ST6GALNAC3: variants seen among roughly 807,000 people sequenced by gnomAD.
ST6GALNAC3 encodes the protein ST6 N-acetylgalactosaminide alpha-2,6-sialyltransferase 3, also known as alpha-N-acetylgalactosaminide alpha-2,6-sialyltransferase 3.
Under a neutral mutation model 32.7 loss-of-function variants are expected in ST6GALNAC3, and 25 were observed. That is an observed-to-expected ratio of 0.76 (90% confidence interval 0.56 to 1.07). The LOEUF is 1.07. Ranked by LOEUF, ST6GALNAC3 falls within the 50% of genes least tolerant of loss-of-function variation. ST6GALNAC3 has a pLI of 0.00. For synonymous variants in ST6GALNAC3, 129 were observed against 133.1 expected, an observed-to-expected ratio of 0.97 and a Z score of 0.21; for missense variants, 355 against 382.4, an observed-to-expected ratio of 0.93 and a Z score of 0.60.
chr1:76,398,861 A>G (rs1653189424), intron 2 of ST6GALNAC3, among the ~76,000 whole-genome samples: 1 of 152,212 alleles, frequency 6.6e-6, no homozygotes, highest in Non-Finnish European at 1.5e-5. Context: ...TTCCAGTTGC[A>G]GTGCATTTTT....
chr1:76,554,465 T>C (rs1315299120), intron 3 of ST6GALNAC3, among the ~76,000 whole-genome samples: 1 of 152,134 alleles, frequency 6.6e-6, no homozygotes, highest in African/African-American at 2.4e-5. Flanking sequence ...GGACACTTCA[T>C]GTGGGGCATG....
intron 2 of ST6GALNAC3, among the ~76,000 whole-genome samples, chr1:76,379,717 G>A (rs1410891260): frequency 6.6e-6 from 1 of 152,142 alleles, no homozygotes; most frequent in Non-Finnish European, 1.5e-5. Context: ...CCTGAGAGTG[G>A]CCTCCTGTGG....
intron 3 of ST6GALNAC3, among the ~76,000 whole-genome samples, chr1:76,612,175 A>G (rs780786830): frequency 3.3e-5 from 5 of 152,212 alleles, no homozygotes; most frequent in East Asian, 1.9e-4. Flanking sequence ...TTGAAGGGAC[A>G]TCTTGGGAGG....
intron 3 of ST6GALNAC3, among the ~76,000 whole-genome samples, chr1:76,467,475 T>C (rs75104548): frequency 2.6e-5 from 4 of 152,022 alleles, no homozygotes; most frequent in African/African-American, 9.6e-5. Flanking sequence ...CAACTGGGGA[T>C]TAGTTAAATA....
chr1:76,198,961 A>G (rs1462744170), intron 1 of ST6GALNAC3, among the ~76,000 whole-genome samples: 2 of 152,176 alleles, frequency 1.3e-5, no homozygotes, highest in Non-Finnish European at 2.9e-5. Flanking sequence ...CAGGTAGATC[A>G]TGGCAAGAGG....
chr1:76,308,223 G>A (rs1661183157), intron 1 of ST6GALNAC3, among the ~76,000 whole-genome samples: 1 of 152,144 alleles, frequency 6.6e-6, no homozygotes, highest in East Asian at 1.9e-4. Context: ...GGTCTGACCA[G>A]TGCTCAACAC....
Position 76,278,295 on chromosome 1 carries a change from C to T in ST6GALNAC3, c.19-35510C>T, listed in dbSNP as rs944684512. Among the ~76,000 whole-genome samples, 6 of 138,108 alleles carry T rather than the reference C, an allele frequency of 4.3e-5. No individual in the cohort carries two copies. The South Asian group carries it at 6.7e-4, about 15-fold the overall frequency. 90.6% of individuals were successfully genotyped at this position (138,108 alleles called of 152,430 possible). A position where few individuals can be genotyped will look rare whatever the true frequency, so the allele number is the denominator to read the frequency against. On this transcript the variant is annotated intron_variant, in intron 1 of 4. Transcript: ENST00000328299. Reference sequence around the variant, plus strand: ...GGAGTGCAGTGGCGCGATCTCGGCTCACTGCAAGCTCCGCCTCCCGGGTTC... The same window carrying T: ...GGAGTGCAGTGGCGCGATCTCGGCTTACTGCAAGCTCCGCCTCCCGGGTTC...
At chr1:76,620,359 G>A (rs1428536107) in intron 3 of ST6GALNAC3, among the ~76,000 whole-genome samples, 3 of 152,054 alleles carry the variant, frequency 2.0e-5, no homozygotes, top group Non-Finnish European at 4.4e-5. Flanking sequence ...AAAAGCAGTG[G>A]GGAGTTTAGG....
At chr1:76,243,531 C>T (rs951950972) in intron 1 of ST6GALNAC3, among the ~76,000 whole-genome samples, 3 of 152,234 alleles carry the variant, frequency 2.0e-5, no homozygotes, top group Non-Finnish European at 2.9e-5. Flanking sequence ...TTTGCCCATG[C>T]CTATGTCCTG....
Position 76,633,191 on chromosome 1 carries a change from A to G in ST6GALNAC3, c.*4385A>G, listed in dbSNP as rs974170328. 2 of 152,156 alleles carry G rather than the reference A, an allele frequency of 1.3e-5. No individual in the cohort carries two copies. The highest frequency in any genetic ancestry group is 4.8e-5 in the African/African-American group (2 of 41,440). The allele number at this position is 152,156 out of a possible 1,614,324, so 9.4% of individuals were successfully genotyped here. ...GTACTGAGACTCAAATTCTTGTCTC[A>G]TGTTTTCTTCTCTAGTGCTTTTTCC... On this transcript the variant is annotated 3_prime_UTR_variant, in exon 5 of 5. Transcript: ENST00000328299.
At chr1:76,564,575 ATTTTTTTTTT>A (rs200008546) in intron 3 of ST6GALNAC3, among the ~76,000 whole-genome samples, 2 of 126,264 alleles carry the variant, frequency 1.6e-5, no homozygotes, top group South Asian at 2.5e-4. Context: ...TGAATGCAGC[ATTTTTTTTTT>A]TTTTTTTTTT....
intron 3 of ST6GALNAC3, among the ~76,000 whole-genome samples, chr1:76,596,342 A>T (rs1275433573): frequency 1.3e-5 from 2 of 152,140 alleles, no homozygotes; most frequent in African/African-American, 4.8e-5. Context: ...CGAGGCCGAG[A>T]TCATGTCTTG....
chr1:76,137,021 C>T (rs962012390), intron 1 of ST6GALNAC3, among the ~76,000 whole-genome samples: 6 of 152,168 alleles, frequency 3.9e-5, no homozygotes, highest in Non-Finnish European at 8.8e-5. Flanking sequence ...AGCCAAAACT[C>T]AGATTGGTTT....
intron 1 of ST6GALNAC3, among the ~76,000 whole-genome samples, chr1:76,105,201 C>G (rs1346364041): frequency 3.0e-5 from 1 of 33,400 alleles, no homozygotes; most frequent in Admixed American, 4.5e-4. Context: ...CAACTCTTAT[C>G]AAGATTTTGT....
chr1:76,113,539 T>C (rs970268572), intron 1 of ST6GALNAC3, among the ~76,000 whole-genome samples: 3 of 151,950 alleles, frequency 2.0e-5, no homozygotes, highest in Non-Finnish European at 4.4e-5. Flanking sequence ...TTTTTTTTTT[T>C]CCAAGATGGA....
Position 76,630,228 on chromosome 1 carries a change from T to C in ST6GALNAC3, c.*1422T>C, listed in dbSNP as rs1404238747. The stretch of plus-strand genomic sequence containing the variant: ...GTTGATCTCTGTGCCAAATACATTA[T>C]ATCAGGATTACACAAAAAGTATCAC... On this transcript the variant is annotated 3_prime_UTR_variant, in exon 5 of 5. Transcript: ENST00000328299. The C allele has an allele frequency of 1.0e-6, 1 of 985,136 alleles. No homozygotes were observed. The highest frequency in any genetic ancestry group is 1.2e-6 in the Non-Finnish European group (1 of 829,850). 61.0% of individuals were successfully genotyped at this position (985,136 alleles called of 1,614,324 possible). A position where few individuals can be genotyped will look rare whatever the true frequency, so the allele number is the denominator to read the frequency against.
chr1:76,443,180 G>C (rs944604033), intron 3 of ST6GALNAC3, among the ~76,000 whole-genome samples: 1 of 151,842 alleles, frequency 6.6e-6, no homozygotes, highest in African/African-American at 2.4e-5. Context: ...TTAAAGACAG[G>C]GTCTCACTCT....
At chr1:76,587,419 T>C (rs999095194) in intron 3 of ST6GALNAC3, among the ~76,000 whole-genome samples, 7 of 152,152 alleles carry the variant, frequency 4.6e-5, no homozygotes, top group Admixed American at 2.0e-4. Context: ...ACTGTGGCTT[T>C]GAGATGCCTG....
chr1:76,439,098 C>T (rs959798315), intron 3 of ST6GALNAC3, among the ~76,000 whole-genome samples: 2 of 152,084 alleles, frequency 1.3e-5, no homozygotes, highest in Non-Finnish European at 2.9e-5. Context: ...TTTCTTGAAG[C>T]CTGAAGTAGA....
Sources: allele counts gnomAD v4.1 joint callset (sites outside exome capture counted in the v4.1 genomes callset), GRCh38; gene constraint gnomAD v4.1.1; transcripts MANE v1.5; gene names NCBI Gene and HGNC (gene_info 2026-07-23, HGNC 2026-07-21).